Variants in CTNNBIP1 observed in about 807,000 individuals in gnomAD.
CTNNBIP1 encodes catenin beta interacting protein 1.
CTNNBIP1 carries 7 observed loss-of-function variants against 11.8 expected under a neutral mutation model. The ratio of observed to expected loss-of-function variants is 0.60; its 90% confidence interval spans 0.34 to 1.12. The LOEUF is 1.12. Among genes scored for constraint, CTNNBIP1 ranks in the 50% most tolerant of loss-of-function variants. The pLI, the probability that CTNNBIP1 is intolerant of heterozygous loss-of-function variation, is 0.03. For missense variants in CTNNBIP1, 101 were observed against 113.4 expected, an observed-to-expected ratio of 0.89 and a Z score of 0.50; for synonymous variants, 58 against 43.9, an observed-to-expected ratio of 1.32 and a Z score of -1.26.
intron 1 of CTNNBIP1, among the ~76,000 whole-genome samples, chr1:9,908,892 T>A (rs1639674431): frequency 6.6e-6 from 1 of 152,154 alleles, no homozygotes. Context: ...TGAATCTCCA[T>A]CCCATAGAGG....
chr1:9,877,503 A>G (rs1265637555), intron 3 of CTNNBIP1, among the ~76,000 whole-genome samples: 1 of 152,212 alleles, frequency 6.6e-6, no homozygotes, highest in Non-Finnish European at 1.5e-5. Context: ...TCCTTCAGAC[A>G]CATGAGCTGC....
At chr1:9,887,861 G>A (rs1013689726) in intron 1 of CTNNBIP1, among the ~76,000 whole-genome samples, 19 of 151,654 alleles carry the variant, frequency 1.3e-4, no homozygotes, top group Non-Finnish European at 2.4e-4. Context: ...GTCTCACACC[G>A]TCACCCAGGC....
At chr1:9,869,022 CAG>C (rs971113120) in intron 5 of CTNNBIP1, among the ~76,000 whole-genome samples, 48 of 152,322 alleles carry the variant, frequency 3.2e-4, no homozygotes, top group African/African-American at 1.2e-3. Flanking sequence ...ATTTATGAGA[CAG>C]AGTCTCCCTC....
intron 1 of CTNNBIP1, among the ~76,000 whole-genome samples, chr1:9,889,084 G>A (rs1424728054): frequency 6.6e-6 from 1 of 152,284 alleles, no homozygotes; most frequent in Non-Finnish European, 1.5e-5. Context: ...AGCTCTGCAG[G>A]CCACCAGCAG....
intron 2 of CTNNBIP1, among the ~76,000 whole-genome samples, chr1:9,880,152 C>T (rs766249921): frequency 7.9e-5 from 12 of 151,782 alleles, no homozygotes; most frequent in Admixed American, 2.0e-4. Flanking sequence ...CAACAGGCCC[C>T]GGTGTGTGTT....
rs1570572899 is a variant in CTNNBIP1 at position 9,871,052 on chromosome 1, G to A, written c.187+135C>T. The A allele has an allele frequency of 3.1e-6, 2 of 649,352 alleles. No homozygotes were observed. Among genetic ancestry groups the A allele is most frequent in the Non-Finnish European group, 5.2e-6 (2 of 382,754 alleles). The allele number at this position is 649,352 out of a possible 1,614,324, so 40.2% of individuals were successfully genotyped here. A position where few individuals can be genotyped will look rare whatever the true frequency, so the allele number is the denominator to read the frequency against. On this transcript the variant is annotated intron_variant, in intron 5 of 5. Coordinates refer to ENST00000377263, the MANE Select transcript of CTNNBIP1 (RefSeq NM_020248.3). The surrounding 1 kb of genome is among the most constrained non-coding windows in gnomAD (Gnocchi z 5.2). ...CTCAGCTCTGTGGGTGGAGAGAGCT[G>A]TAGCCCCTCCTAGTCAGCCCTGGGT...
chr1:9,884,016 G>A (rs1639134388), intron 1 of CTNNBIP1, among the ~76,000 whole-genome samples: 1 of 152,192 alleles, frequency 6.6e-6, no homozygotes, highest in Admixed American at 6.5e-5. Flanking sequence ...GAGGAGGGCA[G>A]GGAGCAGAGG....
chr1:9,866,590 G>A (rs1333376553), intron 5 of CTNNBIP1, among the ~76,000 whole-genome samples: 2 of 151,548 alleles, frequency 1.3e-5, no homozygotes, highest in African/African-American at 4.9e-5. Context: ...TGAGGCAGGA[G>A]AATTGCTTGA....
intron 1 of CTNNBIP1, among the ~76,000 whole-genome samples, chr1:9,906,945 G>A (rs1037982316): frequency 3.3e-5 from 5 of 152,220 alleles, no homozygotes; most frequent in Non-Finnish European, 7.3e-5. Context: ...AGAGTCACAT[G>A]TGTACACATG....
At chr1:9,885,523 A>G (rs1639168500) in intron 1 of CTNNBIP1, among the ~76,000 whole-genome samples, 1 of 152,090 alleles carries the variant, frequency 6.6e-6, no homozygotes, top group South Asian at 2.1e-4. Context: ...GTGCACTTGC[A>G]GTCACAGTTA....
At chr1:9,900,001 G>A (rs1639490994) in intron 1 of CTNNBIP1, among the ~76,000 whole-genome samples, 1 of 151,810 alleles carries the variant, frequency 6.6e-6, no homozygotes, top group African/African-American at 2.4e-5. Context: ...TTGAACCCAG[G>A]AGGCAGAGGT....
At chr1:9,884,782 G>GT (rs1639151934) in intron 1 of CTNNBIP1, among the ~76,000 whole-genome samples, 1 of 152,152 alleles carries the variant, frequency 6.6e-6, no homozygotes, top group African/African-American at 2.4e-5. Flanking sequence ...CGGGTGAGTG[G>GT]GAACAGGAGT....
At chr1:9,862,489 T>C (rs983944652) in intron 5 of CTNNBIP1, among the ~76,000 whole-genome samples, 13 of 152,248 alleles carry the variant, frequency 8.5e-5, no homozygotes, top group African/African-American at 2.4e-4. Context: ...TCTGGGGCTA[T>C]GGCAGGGCCC....
At chr1:9,895,318 C>A (rs951533678) in intron 1 of CTNNBIP1, among the ~76,000 whole-genome samples, 1 of 150,618 alleles carries the variant, frequency 6.6e-6, no homozygotes, top group African/African-American at 2.5e-5. Context: ...CCCACCTCAG[C>A]CTCCCAAGTA....
Position 9,849,028 on chromosome 1 carries a change from T to C in CTNNBIP1, c.*1690A>G, listed in dbSNP as rs2101408869. 6.6e-6 allele frequency: 1 copy of C among 152,274 alleles called. No individual in the cohort carries two copies. The highest frequency in any genetic ancestry group is 3.4e-3 in the Middle Eastern group (1 of 296). The allele number at this position is 152,274 out of a possible 1,614,324, so 9.4% of individuals were successfully genotyped here. A position where few individuals can be genotyped will look rare whatever the true frequency, so the allele number is the denominator to read the frequency against. On this transcript the variant is annotated 3_prime_UTR_variant, in exon 6 of 6. Transcript: ENST00000377263. The stretch of plus-strand genomic sequence containing the variant: ...GAGGGTCCCACTGGCCCTGGGCACC[T>C]AGGGGCCTCAGCATCTACCAGCATA...
In CTNNBIP1 at chr1:9,871,394, T is replaced by C. The variant is rs1242986088; in HGVS notation, c.97-117A>G. The C allele has an allele frequency of 7.9e-6, 6 of 761,136 alleles. No individual in the cohort carries two copies. Among genetic ancestry groups the C allele is most frequent in the Non-Finnish European group, 8.8e-6 (4 of 453,630 alleles). 47.1% of individuals were successfully genotyped at this position (761,136 alleles called of 1,614,324 possible). A position where few individuals can be genotyped will look rare whatever the true frequency, so the allele number is the denominator to read the frequency against. ...GTCCCTGCTTGGTCCCTGCTCGGGC[T>C]TCTGTTTCTGAGATTTGACCCCTTT... On this transcript the variant is annotated intron_variant, in intron 4 of 5. Coordinates refer to ENST00000377263, the MANE Select transcript of CTNNBIP1 (RefSeq NM_020248.3). This position sits in a 1 kb window ranked among gnomAD's most constrained non-coding sequence, Gnocchi z 5.2.
At chr1:9,887,667 C>T (rs1639213533) in intron 1 of CTNNBIP1, among the ~76,000 whole-genome samples, 1 of 150,256 alleles carries the variant, frequency 6.7e-6, no homozygotes, top group Admixed American at 6.6e-5. Flanking sequence ...CTCGCCACTG[C>T]ACTCCAACCT....
At chr1:9,878,908 C>T (rs964345237) in intron 2 of CTNNBIP1, among the ~76,000 whole-genome samples, 2 of 152,144 alleles carry the variant, frequency 1.3e-5, no homozygotes, top group African/African-American at 2.4e-5. Flanking sequence ...GTAAAAGGTG[C>T]GTAATTTTGC....
chr1:9,889,735 T>C (rs1237444126), intron 1 of CTNNBIP1, among the ~76,000 whole-genome samples: 4 of 152,222 alleles, frequency 2.6e-5, no homozygotes, highest in East Asian at 1.9e-4. Context: ...AAGGCCTTTA[T>C]AGGCCCCAGG....
Sources: allele counts gnomAD v4.1 joint callset (sites outside exome capture counted in the v4.1 genomes callset), GRCh38; gene constraint gnomAD v4.1.1; non-coding constraint Gnocchi (gnomAD v3.1); transcripts MANE v1.5; gene names NCBI Gene and HGNC (gene_info 2026-07-23, HGNC 2026-07-21).